CDK5RAP2: variants seen among roughly 807,000 people sequenced by gnomAD.
CDK5RAP2 encodes the protein CDK5 regulatory subunit-associated protein 2.
Under a neutral mutation model 232.9 loss-of-function variants are expected in CDK5RAP2, and 147 were observed. That is an observed-to-expected ratio of 0.63 (90% confidence interval 0.55 to 0.72). The LOEUF is 0.72. CDK5RAP2 is among the 30% of genes least tolerant of loss of function. The pLI is 0.00. For synonymous variants in CDK5RAP2, 833 were observed against 833.7 expected, an observed-to-expected ratio of 1.00 and a Z score of 0.01; for missense variants, 2,195 against 2,231.5, an observed-to-expected ratio of 0.98 and a Z score of 0.33.
chr9:120,518,211 G>GTGTGTGTGTGTGTGAGAC (rs1554770754), intron 12 of CDK5RAP2, among the ~76,000 whole-genome samples: 1 of 31,612 alleles, frequency 3.2e-5, no homozygotes, highest in African/African-American at 1.1e-4. Context: ...GTGTGTGTGT[G>GTGTGTGTGTGTGTGAGAC]AGAGAGAGAG....
At chr9:120,390,356 C>T in intron 36 of CDK5RAP2, 1 of 159,598 alleles carries the variant, frequency 6.3e-6, no homozygotes, top group Non-Finnish European at 1.4e-5. Context: ...TTCTCCTTTG[C>T]CTGCCCTTTA....
chr9:120,431,867 ACT>A (rs1373314136), intron 25 of CDK5RAP2, among the ~76,000 whole-genome samples: 6 of 152,120 alleles, frequency 3.9e-5, no homozygotes, highest in Non-Finnish European at 5.9e-5. Context: ...TACAGTGGAA[ACT>A]CTGGCTGCAA....
In CDK5RAP2 at chr9:120,426,089, G is replaced by C. The variant is rs982812523; in HGVS notation, c.3956-3348C>G. Among the ~76,000 whole-genome samples, 25 of 152,194 alleles carry C rather than the reference G, an allele frequency of 1.6e-4. 1 individual carries two copies. The highest frequency in any genetic ancestry group is 5.3e-4 in the African/African-American group (22 of 41,452). ...GAAGACACTTAAGGGACTCTGGGGA[G>C]GGCAGTTCCAGGGATTCTTAGGAGG... is the stretch of plus-strand genomic sequence containing the variant. On this transcript the variant is annotated intron_variant, in intron 25 of 37. Transcript: ENST00000349780.
chr9:120,514,365 T>A (rs1423637320), intron 12 of CDK5RAP2, among the ~76,000 whole-genome samples: 1 of 152,094 alleles, frequency 6.6e-6, no homozygotes, highest in Non-Finnish European at 1.5e-5. Context: ...AATGATGTTA[T>A]ACACACGCAC....
intron 35 of CDK5RAP2, among the ~76,000 whole-genome samples, chr9:120,395,537 G>C (rs552959771): frequency 2.0e-4 from 30 of 152,220 alleles, no homozygotes; most frequent in Non-Finnish European, 4.0e-4. Context: ...CACCAAACCA[G>C]CTCCCAGGGG....
intron 25 of CDK5RAP2, among the ~76,000 whole-genome samples, chr9:120,423,339 A>G (rs931402597): frequency 1.3e-5 from 2 of 152,210 alleles, no homozygotes; most frequent in Non-Finnish European, 2.9e-5. Context: ...ACTTTTATAA[A>G]CAAATAAAAT....
chr9:120,552,012 C>A (rs2042059158), intron 3 of CDK5RAP2, among the ~76,000 whole-genome samples: 2 of 151,518 alleles, frequency 1.3e-5, no homozygotes, highest in South Asian at 4.2e-4. Context: ...AACAAACAAC[C>A]CCATCAAAAA....
At chr9:120,533,566 G>A (rs183497153) in intron 7 of CDK5RAP2, among the ~76,000 whole-genome samples, 55 of 151,822 alleles carry the variant, frequency 3.6e-4, no homozygotes, top group Middle Eastern at 6.9e-3. Context: ...TTGAGAGGCC[G>A]GCAAATCACC....
At chr9:120,547,350 C>A (rs977553678) in intron 4 of CDK5RAP2, among the ~76,000 whole-genome samples, 1 of 152,010 alleles carries the variant, frequency 6.6e-6, no homozygotes, top group Non-Finnish European at 1.5e-5. Flanking sequence ...ACACCTATAA[C>A]CCTAGCAGTT....
intron 12 of CDK5RAP2, among the ~76,000 whole-genome samples, chr9:120,503,215 TA>T (rs1407419876): frequency 6.6e-6 from 1 of 152,220 alleles, no homozygotes; most frequent in African/African-American, 2.4e-5. Flanking sequence ...TATCATTTCT[TA>T]AGGACTTGGA....
chr9:120,433,497 G>C (rs1564208679), intron 25 of CDK5RAP2, among the ~76,000 whole-genome samples: 2 of 152,164 alleles, frequency 1.3e-5, no homozygotes, highest in South Asian at 4.1e-4. Flanking sequence ...CTGAGGCAAG[G>C]AATTAAGTAA....
intron 17 of CDK5RAP2, among the ~76,000 whole-genome samples, chr9:120,468,817 C>A (rs766309619): frequency 3.3e-5 from 5 of 152,238 alleles, no homozygotes; most frequent in African/African-American, 1.2e-4. Flanking sequence ...TTCCTGCAGG[C>A]TTCAAATCCC....
chr9:120,419,046 A>AG (rs2034407085), intron 27 of CDK5RAP2, among the ~76,000 whole-genome samples: 1 of 152,202 alleles, frequency 6.6e-6, no homozygotes, highest in Non-Finnish European at 1.5e-5. Context: ...GGGAGATGAT[A>AG]GGACCATGAG....
At chr9:120,532,003 G>A (rs1424433687) in intron 7 of CDK5RAP2, among the ~76,000 whole-genome samples, 1 of 150,844 alleles carries the variant, frequency 6.6e-6, no homozygotes, top group Admixed American at 6.6e-5. Context: ...CAATAAAACT[G>A]AATTTTTTTT....
chr9:120,499,640 A>G (rs1187411418), intron 12 of CDK5RAP2, among the ~76,000 whole-genome samples: 2 of 152,198 alleles, frequency 1.3e-5, no homozygotes, highest in South Asian at 2.1e-4. Context: ...AGAACCTATC[A>G]TGAATTATAA....
rs1224823591 is a variant in CDK5RAP2, at chr9:120,389,371, C to T, written c.5626-79G>A. The T allele has an allele frequency of 8.9e-6, 10 of 1,125,886 alleles. No homozygotes were observed. In the South Asian group the frequency reaches 9.2e-5, roughly 10 times the overall value. The allele number at this position is 1,125,886 out of a possible 1,614,324, so 69.7% of individuals were successfully genotyped here. ...AGTAAGACCCCGACAGAGGTGAAAG[C>T]GAGACTGTTATTCTCAAAGTGCTTT... On this transcript the variant is annotated intron_variant, in intron 37 of 37. Transcript: ENST00000349780.
chr9:120,472,488 C>G (rs1418161562), intron 15 of CDK5RAP2, among the ~76,000 whole-genome samples: 1 of 152,064 alleles, frequency 6.6e-6, no homozygotes, highest in Admixed American at 6.5e-5. Context: ...TGCTGTGTTA[C>G]TCCTCAAAAA....
chr9:120,455,432 C>T (rs10984920), intron 20 of CDK5RAP2, among the ~76,000 whole-genome samples: 11,273 of 150,582 alleles, frequency 0.075, 655 homozygotes, highest in East Asian at 0.29. Context: ...GGGCCAGGCA[C>T]ACACGTGCTT....
At chr9:120,515,788 T>C (rs1200740025) in intron 12 of CDK5RAP2, among the ~76,000 whole-genome samples, 4 of 152,154 alleles carry the variant, frequency 2.6e-5, no homozygotes, top group African/African-American at 9.7e-5. Flanking sequence ...TCACTGGCCA[T>C]CAGATAAATG....
Sources: allele counts gnomAD v4.1 joint callset (sites outside exome capture counted in the v4.1 genomes callset), GRCh38; gene constraint gnomAD v4.1.1; transcripts MANE v1.5; gene names NCBI Gene and HGNC (gene_info 2026-07-23, HGNC 2026-07-21).